BTBD9: variants seen among roughly 807,000 people sequenced by gnomAD.
BTBD9 encodes BTB/POZ domain-containing protein 9.
In BTBD9, 49 loss-of-function variants were observed where a neutral mutation model predicts 64.3. The ratio of observed to expected loss-of-function variants is 0.76; its 90% CI spans 0.61 to 0.97. BTBD9 has a LOEUF of 0.97. BTBD9 is among the 50% of genes least tolerant of loss of function. The pLI, the probability that BTBD9 is intolerant of heterozygous loss-of-function variation, is 0.00. For synonymous variants in BTBD9, 260 were observed against 274.7 expected, an observed-to-expected ratio of 0.95 and a Z score of 0.53; for missense variants, 598 against 762.1, an observed-to-expected ratio of 0.78 and a Z score of 2.53.
chr6:38,522,659 G>A (rs1773322590), intron 6 of BTBD9, among the ~76,000 whole-genome samples: 1 of 152,148 alleles, frequency 6.6e-6, no homozygotes, highest in Non-Finnish European at 1.5e-5. Context: ...CTAAGGAGGT[G>A]ACCATATATC....
chr6:38,486,161 AG>A lies in BTBD9; in HGVS notation c.1154+91438del, dbSNP rs373360521. On this transcript the variant is annotated intron_variant, in intron 6 of 10. Transcript: ENST00000481247. ...TCTCTCAGCCTTCACAGAATTGAAG[AG>A]TTAGGGCCTTGCTCCGAATCAGGCT... Among the ~76,000 whole-genome samples, 1,047 of 152,280 alleles carry A rather than the reference AG, an allele frequency of 6.9e-3. 7 individuals are homozygous for A. The highest frequency in any genetic ancestry group is 0.024 in the African/African-American group (989 of 41,548).
At chr6:38,244,916 C>T (rs1458639741) in intron 9 of BTBD9, among the ~76,000 whole-genome samples, 1 of 152,218 alleles carries the variant, frequency 6.6e-6, no homozygotes, top group East Asian at 1.9e-4. Context: ...AAATCTTATT[C>T]TCTCCCATAA....
chr6:38,200,352 C>T (rs1197824538), intron 9 of BTBD9, among the ~76,000 whole-genome samples: 1 of 152,072 alleles, frequency 6.6e-6, no homozygotes, highest in Non-Finnish European at 1.5e-5. Flanking sequence ...TAATGTACCT[C>T]AAGAAACTAG....
intron 6 of BTBD9, among the ~76,000 whole-genome samples, chr6:38,551,276 C>T (rs1474869628): frequency 2.6e-5 from 4 of 152,162 alleles, no homozygotes; most frequent in African/African-American, 9.7e-5. Context: ...GAAGACAATG[C>T]TCAGGCATCA....
intron 7 of BTBD9, among the ~76,000 whole-genome samples, chr6:38,321,477 G>A (rs547444153): frequency 4.6e-5 from 7 of 152,296 alleles, no homozygotes; most frequent in African/African-American, 1.7e-4. Flanking sequence ...GGAAGAGGGG[G>A]AGGGAAGCAG....
At chr6:38,256,127 A>G (rs1764571299) in intron 9 of BTBD9, among the ~76,000 whole-genome samples, 1 of 151,712 alleles carries the variant, frequency 6.6e-6, no homozygotes, top group South Asian at 2.1e-4. Flanking sequence ...CTGAGAGAGG[A>G]TTGCATAAGG....
rs1293950193 is a variant in BTBD9, at chr6:38,430,690, A to G, written c.1155-85597T>C. Among the ~76,000 whole-genome samples the G allele has an allele frequency of 4.7e-5, 7 of 150,492 alleles. No homozygotes were observed. The East Asian group carries it at 1.4e-3, about 30-fold the overall frequency. On this transcript the variant is annotated intron_variant, in intron 6 of 10. Transcript: ENST00000481247. ...TTCCTGGCTAATTTTTGTTTTTTAA[A>G]TTGTTGTAGAGACAGGGTCTCCCTA... is the stretch of plus-strand genomic sequence containing the variant.
chr6:38,609,767 C>G (rs1280286750), intron 1 of BTBD9, among the ~76,000 whole-genome samples: 1 of 152,180 alleles, frequency 6.6e-6, no homozygotes, highest in Non-Finnish European at 1.5e-5. Context: ...ATTGAATTCT[C>G]TTTCTTTTAT....
At chr6:38,226,549 G>A (rs1208086785) in intron 9 of BTBD9, among the ~76,000 whole-genome samples, 1 of 152,172 alleles carries the variant, frequency 6.6e-6, no homozygotes, top group Non-Finnish European at 1.5e-5. Flanking sequence ...GATGAGTCTG[G>A]CTGTTCTGCC....
intron 9 of BTBD9, among the ~76,000 whole-genome samples, chr6:38,228,998 A>C (rs1582083666): frequency 6.6e-6 from 1 of 152,274 alleles, no homozygotes; most frequent in East Asian, 1.9e-4. Flanking sequence ...GGAGTTCAAG[A>C]CCAGCCTGGC....
chr6:38,573,593 C>T (rs189891980), intron 6 of BTBD9, among the ~76,000 whole-genome samples: 2 of 152,256 alleles, frequency 1.3e-5, no homozygotes, highest in East Asian at 3.9e-4. Context: ...ACCTTGAGAA[C>T]GTTGCTTTTA....
At position 38,432,306 on chromosome 6, in the gene BTBD9, G is replaced by A. The variant is rs78469650; in HGVS notation, c.1155-87213C>T. Among the ~76,000 whole-genome samples, 179 of 152,040 alleles carry A rather than the reference G, an allele frequency of 1.2e-3. 5 individuals are homozygous for A. In the East Asian group the frequency reaches 0.03, roughly 26 times the overall value. The stretch of plus-strand genomic sequence containing the variant: ...AGATCATGACAGTGAGAGAAATCTC[G>A]CATGGCTGACTTCATCTTGCCTCTA... On this transcript the variant is annotated intron_variant, in intron 6 of 10. Coordinates refer to ENST00000481247, the MANE Select transcript of BTBD9 (RefSeq NM_001099272.2).
chr6:38,534,852 T>C (rs1283440862), intron 6 of BTBD9, among the ~76,000 whole-genome samples: 1 of 152,010 alleles, frequency 6.6e-6, no homozygotes, highest in Non-Finnish European at 1.5e-5. Context: ...AGAAACTGGG[T>C]ACAGAAGGAA....
chr6:38,349,209 T>G (rs964298003), intron 6 of BTBD9, among the ~76,000 whole-genome samples: 1 of 152,128 alleles, frequency 6.6e-6, no homozygotes, highest in Non-Finnish European at 1.5e-5. Flanking sequence ...TTTTAAAACT[T>G]AGTTTCCTCC....
chr6:38,209,995 T>G (rs757442572), intron 9 of BTBD9, among the ~76,000 whole-genome samples: 5 of 152,182 alleles, frequency 3.3e-5, no homozygotes, highest in Non-Finnish European at 5.9e-5. Context: ...CAGCTCCTCA[T>G]ATTCTAACGC....
chr6:38,487,593 G>A (rs9394503), intron 6 of BTBD9, among the ~76,000 whole-genome samples: 16 of 9,204 alleles, frequency 1.7e-3, no homozygotes, highest in East Asian at 5.4e-3. Context: ...GAGAGTCAGC[G>A]AGAGAGAGAG....
At chr6:38,310,772 A>C (rs1762797094) in intron 7 of BTBD9, among the ~76,000 whole-genome samples, 1 of 151,788 alleles carries the variant, frequency 6.6e-6, no homozygotes. Flanking sequence ...TGTTACAAAC[A>C]ATCCAATTAT....
chr6:38,182,651 AGG>A (rs1241019002), intron 10 of BTBD9, among the ~76,000 whole-genome samples: 1 of 152,130 alleles, frequency 6.6e-6, no homozygotes. Flanking sequence ...TCTGTCTCAA[AGG>A]GCTCCAGCTG....
intron 1 of BTBD9, among the ~76,000 whole-genome samples, chr6:38,637,047 T>C (rs1207148551): frequency 1.3e-5 from 2 of 152,194 alleles, no homozygotes; most frequent in Non-Finnish European, 2.9e-5. Flanking sequence ...CCTCTACATG[T>C]GGCGAAATTT....
Sources: allele counts gnomAD v4.1 joint callset (sites outside exome capture counted in the v4.1 genomes callset), GRCh38; gene constraint gnomAD v4.1.1; transcripts MANE v1.5; gene names NCBI Gene and HGNC (gene_info 2026-07-23, HGNC 2026-07-21).